The following HCN1 variants were observed in gnomAD, a reference collection of about 807,000 sequenced individuals.
HCN1 encodes hyperpolarization activated cyclic nucleotide gated potassium channel 1, also known as potassium/sodium hyperpolarization-activated cyclic nucleotide-gated channel 1.
In HCN1, 13 loss-of-function variants were observed where a neutral mutation model predicts 78.9. That is an observed-to-expected ratio of 0.16 (90% CI 0.11 to 0.26). HCN1 has a LOEUF of 0.26. Ranked by LOEUF, HCN1 falls within the 10% of genes least tolerant of loss-of-function variation. The pLI is 1.00. For synonymous variants in HCN1, 552 were observed against 455.5 expected, an observed-to-expected ratio of 1.21 and a Z score of -2.70; for missense variants, 810 against 1,154.3, an observed-to-expected ratio of 0.70 and a Z score of 4.32.
At chr5:45,422,393 C>T (rs181568687) in intron 3 of HCN1, among the ~76,000 whole-genome samples, 12 of 152,198 alleles carry the variant, frequency 7.9e-5, no homozygotes, top group Non-Finnish European at 1.5e-4. Context: ...GTGTCAGCTA[C>T]GAATCTTGCC....
intron 3 of HCN1, among the ~76,000 whole-genome samples, chr5:45,401,060 C>A (rs1375554453): frequency 7.9e-5 from 12 of 152,172 alleles, no homozygotes; most frequent in African/African-American, 2.2e-4. Context: ...ACAAACTATT[C>A]TTTAATTAAA....
intron 3 of HCN1, among the ~76,000 whole-genome samples, chr5:45,452,869 T>C (rs189671559): frequency 1.8e-4 from 28 of 152,104 alleles, no homozygotes; most frequent in Non-Finnish European, 2.2e-4. Flanking sequence ...GGTTATACAA[T>C]GGGGTTACGA....
intron 5 of HCN1, among the ~76,000 whole-genome samples, chr5:45,312,157 A>G (rs1745862811): frequency 6.6e-6 from 1 of 152,170 alleles, no homozygotes; most frequent in Admixed American, 6.5e-5. Flanking sequence ...TCAAGCACAC[A>G]CTTGGGTGAA....
chr5:45,373,359 AAATAT>A (rs1747475671), intron 4 of HCN1, among the ~76,000 whole-genome samples: 1 of 119,450 alleles, frequency 8.4e-6, no homozygotes, highest in Non-Finnish European at 1.6e-5. Flanking sequence ...ATATATTTAT[AAATAT>A]AATATATATT....
chr5:45,278,874 CT>C (rs1042446031), intron 6 of HCN1, among the ~76,000 whole-genome samples: 1 of 151,884 alleles, frequency 6.6e-6, no homozygotes, highest in Admixed American at 6.6e-5. Context: ...TATTGAACTG[CT>C]TTTTTTAAAT....
chr5:45,539,955 TATATAA>T (rs1278720467), intron 2 of HCN1, among the ~76,000 whole-genome samples: 4 of 100,956 alleles, frequency 4.0e-5, no homozygotes, highest in African/African-American at 1.3e-4. Flanking sequence ...TATATATATA[TATATAA>T]AATGTTTATC....
intron 4 of HCN1, among the ~76,000 whole-genome samples, chr5:45,366,312 T>G (rs1179449786): frequency 6.6e-6 from 1 of 151,782 alleles, no homozygotes; most frequent in Non-Finnish European, 1.5e-5. Context: ...CTATCTGCAA[T>G]AAACAGTTAA....
At chr5:45,556,735 C>T (rs1421502406) in intron 2 of HCN1, among the ~76,000 whole-genome samples, 1 of 151,878 alleles carries the variant, frequency 6.6e-6, no homozygotes, top group Admixed American at 6.6e-5. Flanking sequence ...GCACTGTTCC[C>T]CCAAACTGAT....
intron 2 of HCN1, among the ~76,000 whole-genome samples, chr5:45,577,228 A>G (rs993497792): frequency 1.3e-5 from 2 of 152,088 alleles, no homozygotes; most frequent in Non-Finnish European, 2.9e-5. Context: ...AAACACATGG[A>G]AATAATATTA....
chr5:45,376,111 AAT>A (rs1244125444), intron 4 of HCN1, among the ~76,000 whole-genome samples: 1 of 110,350 alleles, frequency 9.1e-6, no homozygotes, highest in Non-Finnish European at 1.6e-5. Flanking sequence ...AATGTTTTAT[AAT>A]ATATAATATG....
chr5:45,397,318 C>A (rs1458423054), intron 3 of HCN1, among the ~76,000 whole-genome samples: 1 of 152,026 alleles, frequency 6.6e-6, no homozygotes, highest in Non-Finnish European at 1.5e-5. Flanking sequence ...TTGAAGACGG[C>A]TGAATCTTGT....
At chr5:45,309,279 G>T (rs1745800592) in intron 5 of HCN1, among the ~76,000 whole-genome samples, 1 of 152,072 alleles carries the variant, frequency 6.6e-6, no homozygotes, top group Non-Finnish European at 1.5e-5. Context: ...GTCATAATGG[G>T]GTTTTCTAGA....
chr5:45,512,232 T>G (rs1392125585), intron 2 of HCN1, among the ~76,000 whole-genome samples: 1 of 152,090 alleles, frequency 6.6e-6, no homozygotes, highest in Non-Finnish European at 1.5e-5. Flanking sequence ...GTCAAAATAA[T>G]TTTTTCCAAA....
At chr5:45,616,564 A>T (rs557480031) in intron 2 of HCN1, among the ~76,000 whole-genome samples, 1 of 152,158 alleles carries the variant, frequency 6.6e-6, no homozygotes, top group Non-Finnish European at 1.5e-5. Flanking sequence ...TTTAAAGAAC[A>T]CTTTCAAAGT....
intron 2 of HCN1, among the ~76,000 whole-genome samples, chr5:45,477,268 G>C (rs1383028041): frequency 2.0e-5 from 3 of 152,064 alleles, no homozygotes; most frequent in Non-Finnish European, 4.4e-5. Context: ...TAACAACATT[G>C]CTCAAGTTTA....
chr5:45,340,435 A>G (rs1297087134), intron 5 of HCN1, among the ~76,000 whole-genome samples: 2 of 152,054 alleles, frequency 1.3e-5, no homozygotes, highest in Non-Finnish European at 2.9e-5. Context: ...TTCTTAGAAT[A>G]TATGCTTCAA....
intron 2 of HCN1, chr5:45,576,292 A>G (rs1465417136): frequency 6.6e-6 from 1 of 152,194 alleles, no homozygotes; most frequent in African/African-American, 2.4e-5. Flanking sequence ...GATGCTATGA[A>G]TATTGTTGAA....
At chr5:45,415,742 T>C (rs375174254) in intron 3 of HCN1, among the ~76,000 whole-genome samples, 14 of 152,072 alleles carry the variant, frequency 9.2e-5, no homozygotes, top group African/African-American at 2.9e-4. Context: ...CCATTTATCA[T>C]GTGATTGCTG....
chr5:45,368,339 T>C (rs376243568), intron 4 of HCN1, among the ~76,000 whole-genome samples: 11 of 152,086 alleles, frequency 7.2e-5, no homozygotes, highest in African/African-American at 2.4e-4. Flanking sequence ...GGTGTTTAAC[T>C]AGGCAATGAG....
Sources: allele counts gnomAD v4.1 joint callset (sites outside exome capture counted in the v4.1 genomes callset), GRCh38; gene constraint gnomAD v4.1.1; transcripts MANE v1.5; gene names NCBI Gene and HGNC (gene_info 2026-07-23, HGNC 2026-07-21).